Variants in GBF1 observed in about 807,000 individuals in gnomAD.
GBF1 encodes the protein golgi brefeldin A resistant guanine nucleotide exchange factor 1, also known as Golgi-specific brefeldin A-resistance guanine nucleotide exchange factor 1.
Under a neutral mutation model 210.5 loss-of-function variants are expected in GBF1, and 114 were observed. The ratio of observed to expected loss-of-function variants is 0.54; its 90% CI spans 0.47 to 0.63. The LOEUF (loss-of-function observed/expected upper bound fraction) is 0.63. Among genes scored for constraint, GBF1 ranks in the 30% least tolerant of loss-of-function variants. The pLI, the probability that GBF1 is intolerant of heterozygous loss-of-function variation, is 0.00. For missense variants in GBF1, 1,851 were observed against 2,357.7 expected, an observed-to-expected ratio of 0.79 and a Z score of 4.45; for synonymous variants, 850 against 889.2, an observed-to-expected ratio of 0.96 and a Z score of 0.78.
chr10:102,271,747 T>C (rs760469894), intron 3 of GBF1, among the ~76,000 whole-genome samples: 1 of 152,110 alleles, frequency 6.6e-6, no homozygotes, highest in Non-Finnish European at 1.5e-5. Context: ...CTATTATTAT[T>C]ATCATCATTA....
chr10:102,313,365 G>A (rs889760508), intron 3 of GBF1, among the ~76,000 whole-genome samples: 5 of 152,214 alleles, frequency 3.3e-5, no homozygotes, highest in Non-Finnish European at 2.9e-5. Context: ...AAAACCAGCC[G>A]CTCTGTGGGC....
chr10:102,281,172 T>A (rs1447904184), intron 3 of GBF1, among the ~76,000 whole-genome samples: 2 of 152,204 alleles, frequency 1.3e-5, no homozygotes, highest in Non-Finnish European at 2.9e-5. Context: ...ACCTATCTGC[T>A]TAAAGCCTCT....
chr10:102,258,877 T>C (rs1292236800), intron 1 of GBF1, 52 bp from the exon 2 acceptor site: 25 of 910,126 alleles, frequency 2.7e-5, no homozygotes, highest in South Asian at 1.5e-4. Context: ...AACTTGGGTA[T>C]GCTTTGGGTA....
intron 18 of GBF1, 114 bp downstream of exon 18, chr10:102,365,713 C>A (rs2059878234): frequency 1.2e-6 from 1 of 863,080 alleles, no homozygotes; most frequent in Non-Finnish European, 1.9e-6. Flanking sequence ...GAGTTCAAGA[C>A]CAGCCTGGGC....
intron 5 of GBF1, 64 bp downstream of exon 5, chr10:102,351,438 C>A (rs1313469347): frequency 1.2e-5 from 11 of 898,356 alleles, no homozygotes; most frequent in Non-Finnish European, 2.1e-5. Flanking sequence ...ACTCTACTTA[C>A]TCTGCCCACA....
At chr10:102,352,237 A>AC (rs1210110597) in intron 6 of GBF1, among the ~76,000 whole-genome samples, 1 of 151,934 alleles carries the variant, frequency 6.6e-6, no homozygotes, top group Non-Finnish European at 1.5e-5. Context: ...CCAACCTGCA[A>AC]CCCCCTAGAA....
At chr10:102,380,777 G>T in intron 38 of GBF1, 91 bp downstream of exon 38, 3 of 1,088,982 alleles carry the variant, frequency 2.8e-6, no homozygotes, top group Non-Finnish European at 4.0e-6. Context: ...AGAGGCCGAG[G>T]TGGGTGGATC....
intron 29 of GBF1, among the ~76,000 whole-genome samples, chr10:102,375,025 T>A (rs1402138939): frequency 6.6e-6 from 1 of 150,856 alleles, no homozygotes; most frequent in Non-Finnish European, 1.5e-5. Flanking sequence ...AAAAAAAAAA[T>A]TAGCCAGGTG....
In GBF1 at chr10:102,327,420, G is replaced by T. The variant is rs192853902; in HGVS notation, c.164-16631G>T. Among the ~76,000 whole-genome samples the T allele has an allele frequency of 1.6e-4, 25 of 152,282 alleles. 1 individual carries two copies. Among genetic ancestry groups the T allele is most frequent in the Admixed American group, 1.6e-3 (24 of 15,290 alleles). On this transcript the variant is annotated intron_variant, in intron 3 of 39. Coordinates refer to ENST00000369983, the MANE Select transcript of GBF1 (RefSeq NM_001377137.1). The stretch of plus-strand genomic sequence containing the variant: ...TTCGCTCTTAGGTATTTAGTCAAGA[G>T]AAACAAACACATTTACAAAGAGACT...
In GBF1 at chr10:102,313,335, GC is replaced by G. The variant is rs368627522; in HGVS notation, c.164-30713del. ...TAAGAAAGTGATTTACGAGGTGTGG[GC>G]CCTTACGTGAAAGAAAACAAAACCA... On this transcript the variant is annotated intron_variant, in intron 3 of 39. Transcript: ENST00000369983. Among the ~76,000 whole-genome samples, 54 of 152,174 alleles carry G rather than the reference GC, an allele frequency of 3.5e-4. 1 individual carries two copies. In the East Asian group the frequency reaches 9.1e-3, roughly 26 times the overall value.
chr10:102,310,569 T>C (rs572143818), intron 3 of GBF1, among the ~76,000 whole-genome samples: 10 of 152,284 alleles, frequency 6.6e-5, no homozygotes, highest in Admixed American at 3.9e-4. Flanking sequence ...AAGAAAACCT[T>C]GCAGCATCAT....
chr10:102,286,887 G>A (rs1014564505), intron 3 of GBF1, among the ~76,000 whole-genome samples: 2 of 152,094 alleles, frequency 1.3e-5, no homozygotes, highest in African/African-American at 4.8e-5. Context: ...TGCCTTGTAT[G>A]TGAAACCTAC....
At position 102,362,691 on chromosome 10, in the gene GBF1, A is replaced by G. The variant is rs1350484306; in HGVS notation, c.1876+27A>G. 1.9e-6 allele frequency: 3 copies of G among 1,570,798 alleles called. No individual in the cohort carries two copies. The Admixed American group carries it at 5.0e-5, about 26-fold the overall frequency. ...TGAGAGGCATTTCTTTCTTTGATGA[A>G]CCCAGTGTTCTATGCTTATCCCTTC... On this transcript the variant is annotated intron_variant, in intron 15 of 39. Coordinates refer to ENST00000369983, the MANE Select transcript of GBF1 (RefSeq NM_001377137.1).
chr10:102,300,905 C>T (rs535672262), intron 3 of GBF1, among the ~76,000 whole-genome samples: 16 of 149,930 alleles, frequency 1.1e-4, no homozygotes, highest in Non-Finnish European at 2.1e-4. Flanking sequence ...TTTTAGTTCT[C>T]GTTAATTATG....
chr10:102,262,959 A>G (rs1244199120), intron 3 of GBF1, among the ~76,000 whole-genome samples: 10 of 152,176 alleles, frequency 6.6e-5, no homozygotes, highest in Non-Finnish European at 1.5e-5. Context: ...GGAAGGGAGT[A>G]GTGTTTTCCA....
intron 1 of GBF1, among the ~76,000 whole-genome samples, chr10:102,247,552 T>G (rs2070999866): frequency 1.3e-5 from 2 of 152,204 alleles, no homozygotes; most frequent in South Asian, 4.1e-4. Flanking sequence ...ATCTAGTCTC[T>G]GGGTAGGCAG....
chr10:102,357,502 A>T (rs555847253), intron 8 of GBF1, among the ~76,000 whole-genome samples: 44 of 152,168 alleles, frequency 2.9e-4, no homozygotes, highest in Non-Finnish European at 5.1e-4. Context: ...AAAAAAAAAA[A>T]ATATGTTTAT....
chr10:102,245,683 C>T lies in GBF1; in HGVS notation c.-109C>T, dbSNP rs982095887. ...CTCTTCTCCCATCTGCTACCAGAGC[C>T]GGGAGAGCTGCTCGGAGACGCCTCC... is the stretch of plus-strand genomic sequence containing the variant. On this transcript the variant is annotated 5_prime_UTR_variant, in exon 1 of 40. Coordinates refer to ENST00000369983, the MANE Select transcript of GBF1 (RefSeq NM_001377137.1). 1 of 152,300 alleles carries T rather than the reference C, an allele frequency of 6.6e-6. No individual in the cohort carries two copies. The highest frequency in any genetic ancestry group is 6.5e-5 in the Admixed American group (1 of 15,282). The allele number at this position is 152,300 out of a possible 1,614,324, so 9.4% of individuals were successfully genotyped here. A position where few individuals can be genotyped will look rare whatever the true frequency, so the allele number is the denominator to read the frequency against.
At chr10:102,300,846 A>G (rs1483213874) in intron 3 of GBF1, among the ~76,000 whole-genome samples, 2 of 152,140 alleles carry the variant, frequency 1.3e-5, no homozygotes, top group East Asian at 3.9e-4. Flanking sequence ...TGTGGCTTTG[A>G]GGAGACAATG....
Sources: allele counts gnomAD v4.1 joint callset (sites outside exome capture counted in the v4.1 genomes callset), GRCh38; gene constraint gnomAD v4.1.1; transcripts MANE v1.5; gene names NCBI Gene and HGNC (gene_info 2026-07-23, HGNC 2026-07-21).